The following PRKN variants were observed in gnomAD, a reference collection of about 807,000 sequenced individuals.
PRKN encodes E3 ubiquitin-protein ligase parkin.
Under a neutral mutation model 59.5 loss-of-function variants are expected in PRKN, and 56 were observed. That is an observed-to-expected ratio of 0.94 (90% CI 0.76 to 1.18). The LOEUF (loss-of-function observed/expected upper bound fraction) is 1.18. PRKN is among the 50% of genes most tolerant of loss of function. The pLI is 0.00. For missense variants in PRKN, 657 were observed against 596.4 expected (o/e 1.10, Z -1.06); for synonymous variants, 250 against 222.1 (o/e 1.13, Z -1.12).
chr6:162,505,327 G>T (rs962939516), intron 1 of PRKN, among the ~76,000 whole-genome samples: 3 of 152,178 alleles, frequency 2.0e-5, no homozygotes, highest in Non-Finnish European at 4.4e-5. Context: ...ATGCATTGTG[G>T]TAGTGTCATA....
In PRKN at chr6:161,348,549, T is replaced by C. The variant is rs567890129; in HGVS notation, c.*1550A>G. The stretch of plus-strand genomic sequence containing the variant: ...ACTGTCCTCAGATGGTTGGAAGAAA[T>C]GGGTTATCTTAGGCAGTTAGGAAAA... On this transcript the variant is annotated 3_prime_UTR_variant, in exon 12 of 12. Transcript: ENST00000366898. This position sits in a 1 kb window ranked among gnomAD's most constrained non-coding sequence, Gnocchi z 4.9. 57 of 207,654 alleles carry C rather than the reference T, an allele frequency of 2.7e-4. No homozygotes were observed. Among genetic ancestry groups the C allele is most frequent in the Non-Finnish European group, 4.2e-4 (43 of 101,926 alleles). 12.9% of individuals were successfully genotyped at this position (207,654 alleles called of 1,614,324 possible).
rs1779139489 is a variant in PRKN at position 161,529,785 on chromosome 6, T to C, written c.1083+19069A>G. On this transcript the variant is annotated intron_variant, in intron 9 of 11. Transcript: ENST00000366898. The surrounding 1 kb of genome is among the most constrained non-coding windows in gnomAD (Gnocchi z 4.4). ...TTGTCTCTGGCTGGAAAATTTTTCA[T>C]GGGTTACACATTCTTTCATATATTT... Among the ~76,000 whole-genome samples the C allele has an allele frequency of 6.6e-6, 1 of 152,218 alleles. No homozygotes were observed. The highest frequency in any genetic ancestry group is 6.5e-5 in the Admixed American group (1 of 15,280).
At chr6:161,671,742 T>C (rs1211038274) in intron 7 of PRKN, among the ~76,000 whole-genome samples, 1 of 152,150 alleles carries the variant, frequency 6.6e-6, no homozygotes, top group Non-Finnish European at 1.5e-5. Flanking sequence ...GAGCATGTAA[T>C]CATAAACTGA....
rs1790017233 is a variant in PRKN, at chr6:161,457,305, A to T, written c.1084-70428T>A. Reference sequence around the variant, plus strand: ...GGGCCAATGCAGGATCCAACTATTCAAGATTCCTCCACTTACACAATATAT... The same window carrying T: ...GGGCCAATGCAGGATCCAACTATTCTAGATTCCTCCACTTACACAATATAT... On this transcript the variant is annotated intron_variant, in intron 9 of 11. Coordinates refer to ENST00000366898, the MANE Select transcript of PRKN (RefSeq NM_004562.3). This position sits in a 1 kb window ranked among gnomAD's most constrained non-coding sequence, Gnocchi z 5.0. Among the ~76,000 whole-genome samples, 2 of 152,200 alleles carry T rather than the reference A, an allele frequency of 1.3e-5. No homozygotes were observed. The highest frequency in any genetic ancestry group is 2.9e-5 in the Non-Finnish European group (2 of 68,042).
At chr6:161,776,566 G>C (rs1789932947) in intron 7 of PRKN, among the ~76,000 whole-genome samples, 1 of 152,144 alleles carries the variant, frequency 6.6e-6, no homozygotes, top group South Asian at 2.1e-4. Flanking sequence ...CTTACAGACT[G>C]CCCACCCCAG....
At chr6:161,573,103 G>C (rs1002565709) in intron 7 of PRKN, among the ~76,000 whole-genome samples, 1 of 152,140 alleles carries the variant, frequency 6.6e-6, no homozygotes, top group Non-Finnish European at 1.5e-5. Flanking sequence ...GTCTGGGGCC[G>C]AGTGTCCGAA....
chr6:162,244,790 C>T (rs1466628393), intron 3 of PRKN, among the ~76,000 whole-genome samples: 1 of 152,072 alleles, frequency 6.6e-6, no homozygotes, highest in Non-Finnish European at 1.5e-5. Flanking sequence ...ACACTTTGAT[C>T]TAATTCAAAG....
chr6:162,679,489 T>C (rs1779688904), intron 1 of PRKN, among the ~76,000 whole-genome samples: 1 of 152,218 alleles, frequency 6.6e-6, no homozygotes, highest in African/African-American at 2.4e-5. Flanking sequence ...CTTGGTATTA[T>C]ATCTAAGAAA....
intron 4 of PRKN, among the ~76,000 whole-genome samples, chr6:162,113,369 T>G (rs903659775): frequency 1.3e-5 from 2 of 152,190 alleles, no homozygotes; most frequent in Non-Finnish European, 2.9e-5. Context: ...AATGTCTCCT[T>G]TCCCATAAAG....
intron 1 of PRKN, among the ~76,000 whole-genome samples, chr6:162,725,194 G>A (rs1368674392): frequency 1.3e-5 from 2 of 152,200 alleles, no homozygotes; most frequent in Non-Finnish European, 2.9e-5. Flanking sequence ...CCGCAACAAG[G>A]TGAGTGTAAT....
intron 7 of PRKN, among the ~76,000 whole-genome samples, chr6:161,680,816 T>G (rs1582996595): frequency 7.2e-6 from 1 of 138,304 alleles, no homozygotes; most frequent in East Asian, 2.1e-4. Context: ...CATGGAAAGG[T>G]ACTAAGCAGC....
intron 4 of PRKN, among the ~76,000 whole-genome samples, chr6:162,144,200 GGA>G (rs1781906820): frequency 6.6e-6 from 1 of 152,004 alleles, no homozygotes; most frequent in Admixed American, 6.6e-5. Flanking sequence ...AAGCGCACTT[GGA>G]GAGAACTTTA....
rs909366151 is a variant in PRKN at position 161,391,952 on chromosome 6, G to T, written c.1084-5075C>A. On this transcript the variant is annotated intron_variant, in intron 9 of 11. Transcript: ENST00000366898. This position sits in a 1 kb window ranked among gnomAD's most constrained non-coding sequence, Gnocchi z 4.9. ...CTCTCCATATATCTGTGTATACACA[G>T]ATATATAGATACAATGTGTGCCTGC... Among the ~76,000 whole-genome samples, 1 of 151,822 alleles carries T rather than the reference G, an allele frequency of 6.6e-6. No individual in the cohort carries two copies. Among genetic ancestry groups the T allele is most frequent in the Non-Finnish European group, 1.5e-5 (1 of 67,932 alleles).
chr6:162,654,621 C>T (rs944848784), intron 1 of PRKN, among the ~76,000 whole-genome samples: 5 of 152,278 alleles, frequency 3.3e-5, no homozygotes, highest in Middle Eastern at 6.8e-3. Context: ...TCTTCTGATT[C>T]ATTCAAGAGA....
At chr6:161,733,781 AAAAT>A (rs1199704920) in intron 7 of PRKN, among the ~76,000 whole-genome samples, 1 of 74,066 alleles carries the variant, frequency 1.4e-5, no homozygotes, top group African/African-American at 1.3e-4. Flanking sequence ...AAAAAAAAAA[AAAAT>A]ATATATATAT....
intron 1 of PRKN, among the ~76,000 whole-genome samples, chr6:162,641,200 C>T (rs1275877419): frequency 6.6e-6 from 1 of 152,046 alleles, no homozygotes; most frequent in Non-Finnish European, 1.5e-5. Context: ...ACAGTTCTCA[C>T]AATAGTTTGA....
chr6:162,150,250 G>C (rs1449475414), intron 4 of PRKN, among the ~76,000 whole-genome samples: 1 of 152,214 alleles, frequency 6.6e-6, no homozygotes. Flanking sequence ...AATAACTTAA[G>C]TGTGGGCTAA....
chr6:162,692,477 T>G (rs1313370307), intron 1 of PRKN, among the ~76,000 whole-genome samples: 3 of 152,110 alleles, frequency 2.0e-5, no homozygotes, highest in Non-Finnish European at 4.4e-5. Flanking sequence ...CCCAGGGCCC[T>G]AGGTCACACT....
intron 1 of PRKN, among the ~76,000 whole-genome samples, chr6:162,451,006 A>G (rs1790598968): frequency 6.6e-6 from 1 of 152,168 alleles, no homozygotes; most frequent in Admixed American, 6.5e-5. Flanking sequence ...CTGTAAAACT[A>G]AAACTGTTGT....
Sources: gnomAD v4.1 joint callset for allele counts (sites outside exome capture counted in the v4.1 genomes callset) on GRCh38, gnomAD v4.1.1 for gene constraint, Gnocchi (gnomAD v3.1) non-coding constraint, MANE v1.5 for transcripts, NCBI Gene and HGNC (gene_info 2026-07-23, HGNC 2026-07-21) for gene names.